ACSS3: variants seen among roughly 807,000 people sequenced by gnomAD.
The protein encoded by ACSS3 is acyl-CoA synthetase short chain family member 3.
ACSS3 carries 64 observed loss-of-function variants against 84.2 expected under a neutral mutation model. The ratio of observed to expected loss-of-function variants is 0.76; its 90% CI spans 0.62 to 0.94. The LOEUF (loss-of-function observed/expected upper bound fraction) is 0.94. Among genes scored for constraint, ACSS3 ranks in the 40% least tolerant of loss-of-function variants. The pLI, the probability that ACSS3 is intolerant of heterozygous loss-of-function variation, is 0.00. For missense variants in ACSS3, 815 were observed against 867.6 expected (o/e 0.94, Z 0.76); for synonymous variants, 317 against 310.1 (o/e 1.02, Z -0.23).
chr12:81,105,137 G>A (rs1425307152), intron 1 of ACSS3, among the ~76,000 whole-genome samples: 3 of 152,166 alleles, frequency 2.0e-5, no homozygotes, highest in African/African-American at 4.8e-5. Context: ...CAATCAATGG[G>A]TGCCAGCACT....
rs1157845856 is a variant in ACSS3 at position 81,258,111 on chromosome 12, T to C, written c.*3189T>C. 6.6e-6 allele frequency: 1 copy of C among 152,104 alleles called. No individual in the cohort carries two copies. Among genetic ancestry groups the C allele is most frequent in the Non-Finnish European group, 1.5e-5 (1 of 67,996 alleles). 9.4% of individuals were successfully genotyped at this position (152,104 alleles called of 1,614,324 possible). On this transcript the variant is annotated 3_prime_UTR_variant, in exon 16 of 16. Transcript: ENST00000548058. ...CAGGCCACATTTTTAGAAAAAAATT[T>C]TAAGATCACTCCCATAAGCAAGTTT...
chr12:81,200,745 C>CA (rs1264917126), intron 9 of ACSS3, among the ~76,000 whole-genome samples: 1 of 151,546 alleles, frequency 6.6e-6, no homozygotes, highest in African/African-American at 2.4e-5. Context: ...ACTTAAAATA[C>CA]AAAAAATTAG....
chr12:81,184,458 A>T (rs542142759), intron 8 of ACSS3, among the ~76,000 whole-genome samples: 1 of 151,846 alleles, frequency 6.6e-6, no homozygotes, highest in Non-Finnish European at 1.5e-5. Flanking sequence ...AAATCAAATG[A>T]AGTACAGAAA....
At chr12:81,229,544 G>A (rs1187111457) in intron 11 of ACSS3, among the ~76,000 whole-genome samples, 1 of 151,820 alleles carries the variant, frequency 6.6e-6, no homozygotes, top group Non-Finnish European at 1.5e-5. Flanking sequence ...GATGTTATTT[G>A]TATTGTTATT....
At chr12:81,177,567 G>A (rs1366381863) in intron 8 of ACSS3, among the ~76,000 whole-genome samples, 1 of 152,048 alleles carries the variant, frequency 6.6e-6, no homozygotes, top group Non-Finnish European at 1.5e-5. Context: ...CTACTCATCT[G>A]ACAAAGGGCT....
intron 13 of ACSS3, among the ~76,000 whole-genome samples, chr12:81,236,944 T>G (rs1379736773): frequency 6.6e-6 from 1 of 151,400 alleles, no homozygotes; most frequent in Non-Finnish European, 1.5e-5. Context: ...TTTTCCTACA[T>G]GAGTAGCCAG....
intron 13 of ACSS3, among the ~76,000 whole-genome samples, chr12:81,252,273 A>G (rs1291156635): frequency 2.0e-5 from 3 of 152,154 alleles, no homozygotes; most frequent in Admixed American, 2.0e-4. Flanking sequence ...TTGTATTTAG[A>G]CATTTAGAAT....
chr12:81,091,406 T>A (rs777402634), intron 1 of ACSS3, among the ~76,000 whole-genome samples: 13 of 152,102 alleles, frequency 8.5e-5, no homozygotes, highest in Non-Finnish European at 1.5e-4. Flanking sequence ...GTTAAAAGCT[T>A]GAATTTTAGA....
intron 7 of ACSS3, among the ~76,000 whole-genome samples, chr12:81,162,662 C>T (rs1674108631): frequency 6.6e-6 from 1 of 152,128 alleles, no homozygotes; most frequent in Non-Finnish European, 1.5e-5. Context: ...CACCCAGAAG[C>T]CTGTCTACCT....
chr12:81,111,891 G>T (rs1239981087), intron 2 of ACSS3, among the ~76,000 whole-genome samples: 1 of 152,124 alleles, frequency 6.6e-6, no homozygotes, highest in Non-Finnish European at 1.5e-5. Flanking sequence ...TAAGAATGGG[G>T]TTCAAATGCT....
intron 2 of ACSS3, among the ~76,000 whole-genome samples, chr12:81,114,410 T>A (rs1472395794): frequency 6.6e-6 from 1 of 152,142 alleles, no homozygotes; most frequent in Non-Finnish European, 1.5e-5. Context: ...ATGTATTCCA[T>A]CTGCTCAGAC....
chr12:81,145,653 CTT>C (rs1023632617), intron 5 of ACSS3, among the ~76,000 whole-genome samples: 45 of 152,266 alleles, frequency 3.0e-4, no homozygotes, highest in African/African-American at 1.0e-3. Flanking sequence ...GAGTCTAAGA[CTT>C]TGAGAACATA....
chr12:81,147,728 C>T lies in ACSS3; in HGVS notation c.922-4116C>T, dbSNP rs186880504. Among the ~76,000 whole-genome samples the T allele has an allele frequency of 2.0e-3, 311 of 152,180 alleles. 2 individuals are homozygous for T. Among genetic ancestry groups the T allele is most frequent in the Middle Eastern group, 3.4e-3 (1 of 294 alleles). ...CTGTCAAAACAAGGTTTAGTGCTGA[C>T]GTGTTAGATCTTTTAAACAATCAGA... On this transcript the variant is annotated intron_variant, in intron 5 of 15. Coordinates refer to ENST00000548058, the MANE Select transcript of ACSS3 (RefSeq NM_024560.4).
chr12:81,259,399 G>T lies in ACSS3; in HGVS notation c.*4477G>T. The T allele has an allele frequency of 1.6e-6, 1 of 643,406 alleles. No homozygotes were observed. The allele number at this position is 643,406 out of a possible 1,614,324, so 39.9% of individuals were successfully genotyped here. On this transcript the variant is annotated 3_prime_UTR_variant, in exon 16 of 16. Coordinates refer to ENST00000548058, the MANE Select transcript of ACSS3 (RefSeq NM_024560.4). ...TTACAATAAAACATGAAAAACAACTGGCTTCATTTCATAAAAGCATCTGTT... is the reference window on the plus strand; with the variant it reads ...TTACAATAAAACATGAAAAACAACTTGCTTCATTTCATAAAAGCATCTGTT...
At chr12:81,195,775 A>G (rs947698735) in intron 8 of ACSS3, among the ~76,000 whole-genome samples, 3 of 152,118 alleles carry the variant, frequency 2.0e-5, no homozygotes, top group Non-Finnish European at 4.4e-5. Context: ...GACTAGTAAT[A>G]GGTTATGCTC....
chr12:81,182,922 G>A (rs1024470462), intron 8 of ACSS3, among the ~76,000 whole-genome samples: 1 of 152,226 alleles, frequency 6.6e-6, no homozygotes, highest in Non-Finnish European at 1.5e-5. Context: ...ATCTGGTCAT[G>A]TATTTTCTTA....
At chr12:81,176,293 A>G (rs560684089) in intron 8 of ACSS3, among the ~76,000 whole-genome samples, 2 of 152,306 alleles carry the variant, frequency 1.3e-5, no homozygotes, top group Admixed American at 1.3e-4. Flanking sequence ...AGATTGAACC[A>G]AGAGGCTGGG....
chr12:81,121,937 T>G, intron 2 of ACSS3, among the ~76,000 whole-genome samples: 1 of 150,586 alleles, frequency 6.6e-6, no homozygotes, highest in East Asian at 2.0e-4. Flanking sequence ...TTATTATTAT[T>G]ATTATTATTA....
intron 7 of ACSS3, among the ~76,000 whole-genome samples, chr12:81,153,043 G>C (rs1301322762): frequency 1.4e-5 from 2 of 144,482 alleles, no homozygotes; most frequent in Non-Finnish European, 3.1e-5. Context: ...GTTTAATTGA[G>C]ATGATAAAAA....
Sources: gnomAD v4.1 joint callset for allele counts (sites outside exome capture counted in the v4.1 genomes callset) on GRCh38, gnomAD v4.1.1 for gene constraint, MANE v1.5 for transcripts, NCBI Gene and HGNC (gene_info 2026-07-23, HGNC 2026-07-21) for gene names.